Variants in CRACD observed in about 807,000 individuals in gnomAD.
The protein encoded by CRACD is capping protein inhibiting regulator of actin dynamics, also known as capping protein-inhibiting regulator of actin dynamics.
In CRACD, 56 loss-of-function variants were observed where a neutral mutation model predicts 106.8. The ratio of observed to expected loss-of-function variants is 0.52; its 90% confidence interval spans 0.42 to 0.66. The LOEUF (loss-of-function observed/expected upper bound fraction) is 0.66. Among genes scored for constraint, CRACD ranks in the 30% least tolerant of loss-of-function variants. CRACD has a pLI of 0.00. For missense variants in CRACD, 1,730 were observed against 1,623.2 expected, an observed-to-expected ratio of 1.07 and a Z score of -1.13; for synonymous variants, 754 against 670.8, an observed-to-expected ratio of 1.12 and a Z score of -1.92.
At chr4:56,155,156 G>T (rs73152944) in intron 1 of CRACD, among the ~76,000 whole-genome samples, 67 of 152,202 alleles carry the variant, frequency 4.4e-4, no homozygotes, top group African/African-American at 1.6e-3. Context: ...ATCTGTGGCA[G>T]ATTGGCACAA....
chr4:56,131,218 T>C (rs1734814600), intron 1 of CRACD, among the ~76,000 whole-genome samples: 1 of 152,238 alleles, frequency 6.6e-6, no homozygotes, highest in Admixed American at 6.5e-5. Flanking sequence ...GTCTGGTAGA[T>C]TGGTCCAAGT....
Position 56,091,757 on chromosome 4 carries a change from T to C in CRACD, c.-336+42458T>C, listed in dbSNP as rs1033590950. On this transcript the variant is annotated intron_variant, in intron 1 of 10. Transcript: ENST00000682029. Reference sequence around the variant, plus strand: ...CTGGGAAACGAATTTCCATATGATATTGTTCTATGGAAAATGCATTTCCTA... The same window carrying C: ...CTGGGAAACGAATTTCCATATGATACTGTTCTATGGAAAATGCATTTCCTA... 1.0e-3 allele frequency among the ~76,000 whole-genome samples: 152 copies of C among 152,206 alleles called. 13 individuals carry two copies. The highest frequency in any genetic ancestry group is 3.9e-4 in the Admixed American group (6 of 15,280).
intron 2 of CRACD, among the ~76,000 whole-genome samples, chr4:56,203,419 C>G (rs933500154): frequency 6.6e-6 from 1 of 152,212 alleles, no homozygotes; most frequent in South Asian, 2.1e-4. Context: ...AAGCTTCTGA[C>G]GCTGCAGGAT....
chr4:56,280,590 C>G (rs1319189517), intron 3 of CRACD, among the ~76,000 whole-genome samples: 1 of 152,172 alleles, frequency 6.6e-6, no homozygotes, highest in African/African-American at 2.4e-5. Flanking sequence ...CCGCCTCTAA[C>G]GCTGGGCCCG....
rs1745482737 is a variant in CRACD at position 56,314,996 on chromosome 4, G to GTGATTCCC, written c.1494_1495insTGATTCCC (p.Glu499Ter). 6.3e-7 allele frequency: 1 copy of GTGATTCCC among 1,586,646 alleles called. No homozygotes were observed. The highest frequency in any genetic ancestry group is 1.3e-5 in the African/African-American group (1 of 74,698). ...CTCTCCTGAAACAAGAGGGGCCGGT[G>GTGATTCCC]GAAGCCGCGCAGCCTCCGGTGGAGA... is the stretch of plus-strand genomic sequence containing the variant. On this transcript the variant is annotated stop_gained and frameshift_variant, in exon 8 of 11. Transcript: ENST00000682029. LOFTEE classifies it high-confidence loss of function. This position sits in a 1 kb window ranked among gnomAD's most constrained non-coding sequence, Gnocchi z 4.4.
At position 56,314,736 on chromosome 4, in the gene CRACD, C is replaced by T. The variant is rs113546709; in HGVS notation, c.1234C>T (p.Leu412=). 2.3e-3 allele frequency: 3,570 copies of T among 1,578,582 alleles called. 74 individuals are homozygous for T. In the African/African-American group the frequency reaches 0.04, roughly 18 times the overall value. Reference sequence around the variant, plus strand: ...AGAGGAGGAGGAGGGCCAGGCGCACCTGGAGGACTGGAGGGGGCAGCTCAG... The same window carrying T: ...AGAGGAGGAGGAGGGCCAGGCGCACTTGGAGGACTGGAGGGGGCAGCTCAG... The part of the protein sequence containing the change: ...GEEEEEGQAH[L]EDWRGQLSEL... The change falls in exon 8 of 11, where the codon CTG becomes TTG. Residue 412 remains leucine (L), a synonymous_variant. Transcript: ENST00000682029. The surrounding 1 kb of genome is among the most constrained non-coding windows in gnomAD (Gnocchi z 4.4).
chr4:56,077,416 C>T (rs1732879758), intron 1 of CRACD, among the ~76,000 whole-genome samples: 1 of 152,158 alleles, frequency 6.6e-6, no homozygotes, highest in African/African-American at 2.4e-5. Flanking sequence ...GGGTGGGGCA[C>T]AGCCAAACCA....
chr4:56,191,038 G>A (rs1430047310), intron 2 of CRACD, among the ~76,000 whole-genome samples: 1 of 152,086 alleles, frequency 6.6e-6, no homozygotes, highest in Non-Finnish European at 1.5e-5. Context: ...ACCATATCAT[G>A]GGACTTCTCA....
rs185910272 is a variant in CRACD at position 56,227,447 on chromosome 4, G to A, written c.-188-44874G>A. 1.5e-3 allele frequency among the ~76,000 whole-genome samples: 231 copies of A among 152,286 alleles called. 1 individual carries two copies. Among genetic ancestry groups the A allele is most frequent in the African/African-American group, 4.7e-3 (196 of 41,550 alleles). On this transcript the variant is annotated intron_variant, in intron 2 of 10. Transcript: ENST00000682029. ...AAAGTCATACAACAACATATCATCA[G>A]TAACAAGGAAACTTCCTGGTCTTTC...
chr4:56,163,245 T>A (rs1359475771), intron 1 of CRACD, among the ~76,000 whole-genome samples: 1 of 152,014 alleles, frequency 6.6e-6, no homozygotes, highest in East Asian at 1.9e-4. Context: ...TGACAATGAC[T>A]CAATTTTAAA....
rs75623716 is a variant in CRACD at position 56,204,172 on chromosome 4, C to T, written c.-189+24742C>T. Among the ~76,000 whole-genome samples, 206 of 152,322 alleles carry T rather than the reference C, an allele frequency of 1.4e-3. 2 individuals carry two copies. In the East Asian group the frequency reaches 0.022, roughly 16 times the overall value. On this transcript the variant is annotated intron_variant, in intron 2 of 10. Transcript: ENST00000682029. ...AGTCTACATGATCCCACACAATCGC[C>T]TTGAGCAAGGAACAACCTGGTTGGT...
intron 1 of CRACD, among the ~76,000 whole-genome samples, chr4:56,073,005 T>C (rs1452047587): frequency 1.3e-5 from 2 of 152,212 alleles, no homozygotes; most frequent in Admixed American, 6.5e-5. Flanking sequence ...CAGTCTATCA[T>C]TGATGGGCAT....
chr4:56,068,024 G>A (rs983401911), intron 1 of CRACD, among the ~76,000 whole-genome samples: 3 of 152,328 alleles, frequency 2.0e-5, no homozygotes, highest in Admixed American at 6.5e-5. Flanking sequence ...CAGTGTGTGT[G>A]TGAGGCTGCA....
intron 1 of CRACD, among the ~76,000 whole-genome samples, chr4:56,097,236 C>G (rs967810126): frequency 6.6e-6 from 1 of 152,000 alleles, no homozygotes; most frequent in Non-Finnish European, 1.5e-5. Flanking sequence ...ATGGAGGAGG[C>G]CCTGTTGGGG....
At chr4:56,100,167 C>T (rs1451211175) in intron 1 of CRACD, among the ~76,000 whole-genome samples, 7 of 151,948 alleles carry the variant, frequency 4.6e-5, no homozygotes, top group African/African-American at 1.4e-4. Flanking sequence ...TGTTTGAACT[C>T]GGGAAGCGGA....
chr4:56,278,385 GT>G (rs1742798615), intron 3 of CRACD, among the ~76,000 whole-genome samples: 3 of 152,178 alleles, frequency 2.0e-5, no homozygotes, highest in Admixed American at 2.0e-4. Context: ...TTCAATAAGA[GT>G]GCTAAGACAA....
Position 56,316,373 on chromosome 4 carries a change from G to A in CRACD, c.2871G>A (p.Leu957=), listed in dbSNP as rs2109779517. 2 of 1,614,102 alleles carry A rather than the reference G, an allele frequency of 1.2e-6. No homozygotes were observed. Among genetic ancestry groups the A allele is most frequent in the Non-Finnish European group, 8.5e-7 (1 of 1,179,942 alleles). The change falls in exon 8 of 11, where the codon CTG becomes CTA. Residue 957 remains leucine, a synonymous_variant. Coordinates refer to ENST00000682029, the MANE Select transcript of CRACD (RefSeq NM_001393381.1). ...EHDKAANKMP[L]AQKPALAPKP... is the part of the protein sequence containing the mutation. ...ACAAGGCAGCAAACAAAATGCCACT[G>A]GCACAAAAGCCAGCACTGGCTCCCA...
intron 1 of CRACD, among the ~76,000 whole-genome samples, chr4:56,141,653 AAAGT>A: frequency 6.6e-6 from 1 of 151,866 alleles, no homozygotes; most frequent in South Asian, 2.1e-4. Flanking sequence ...CTCATAAGTA[AAAGT>A]AAGTATCTAA....
intron 1 of CRACD, among the ~76,000 whole-genome samples, chr4:56,108,313 CACA>C (rs1734012392): frequency 6.6e-6 from 1 of 152,146 alleles, no homozygotes; most frequent in Admixed American, 6.6e-5. Flanking sequence ...TTGTGAAGGA[CACA>C]ACATCACTTC....
Sources: gnomAD v4.1 joint callset for allele counts (sites outside exome capture counted in the v4.1 genomes callset) on GRCh38, gnomAD v4.1.1 for gene constraint, Gnocchi (gnomAD v3.1) non-coding constraint, MANE v1.5 for transcripts, NCBI Gene and HGNC (gene_info 2026-07-23, HGNC 2026-07-21) for gene names.